Variants in ZNF804A observed in about 807,000 individuals in gnomAD.
ZNF804A encodes the protein zinc finger protein 804A.
A neutral mutation model predicts 16.5 loss-of-function variants in ZNF804A; 2 were observed. The observed-to-expected ratio is 0.12, with a 90% CI of 0.05 to 0.38. The LOEUF (loss-of-function observed/expected upper bound fraction) is 0.38. Ranked by LOEUF, ZNF804A falls within the 10% of genes least tolerant of loss-of-function variation. The pLI is 0.99. For synonymous variants in ZNF804A, 534 were observed against 489.6 expected, an observed-to-expected ratio of 1.09 and a Z score of -1.20; for missense variants, 1,473 against 1,390.7, an observed-to-expected ratio of 1.06 and a Z score of -0.94.
intron 1 of ZNF804A, among the ~76,000 whole-genome samples, chr2:184,848,393 A>G (rs1464004615): frequency 6.6e-6 from 1 of 152,022 alleles, no homozygotes; most frequent in Non-Finnish European, 1.5e-5. Flanking sequence ...TGAGACTCCA[A>G]TGCCCAAAGG....
At chr2:184,607,347 A>G (rs1691165834) in intron 1 of ZNF804A, among the ~76,000 whole-genome samples, 1 of 152,212 alleles carries the variant, frequency 6.6e-6, no homozygotes, top group Non-Finnish European at 1.5e-5. Flanking sequence ...TAATTGACTC[A>G]CAGTTCTGCA....
At chr2:184,912,839 T>A (rs1685384475) in intron 2 of ZNF804A, among the ~76,000 whole-genome samples, 1 of 152,140 alleles carries the variant, frequency 6.6e-6, no homozygotes, top group South Asian at 2.1e-4. Context: ...TTGGCCTTTA[T>A]AAGATACATT....
chr2:184,717,313 T>C (rs1174147229), intron 1 of ZNF804A, among the ~76,000 whole-genome samples: 2 of 152,204 alleles, frequency 1.3e-5, no homozygotes, highest in Admixed American at 1.3e-4. Context: ...AATTATGTAC[T>C]CTTACCTTTC....
chr2:184,870,083 A>G (rs567231085), intron 2 of ZNF804A, among the ~76,000 whole-genome samples: 55 of 152,136 alleles, frequency 3.6e-4, no homozygotes, highest in African/African-American at 1.3e-3. Flanking sequence ...ACATGCCCTT[A>G]TCTTCCCGGT....
intron 1 of ZNF804A, among the ~76,000 whole-genome samples, chr2:184,673,950 A>G (rs1692379142): frequency 2.0e-5 from 3 of 152,168 alleles, no homozygotes; most frequent in Admixed American, 6.5e-5. Context: ...TTGACATTTT[A>G]TGTTACTCAC....
chr2:184,628,086 G>A (rs1444445747), intron 1 of ZNF804A, among the ~76,000 whole-genome samples: 1 of 152,236 alleles, frequency 6.6e-6, no homozygotes, highest in East Asian at 1.9e-4. Context: ...AGGCCGAGGC[G>A]GGCGGATCAC....
At chr2:184,793,658 G>C (rs879692348) in intron 1 of ZNF804A, among the ~76,000 whole-genome samples, 6 of 151,926 alleles carry the variant, frequency 3.9e-5, no homozygotes, top group Non-Finnish European at 8.8e-5. Flanking sequence ...TAAGATTTTG[G>C]TGCACTCATA....
intron 2 of ZNF804A, among the ~76,000 whole-genome samples, chr2:184,869,601 C>T (rs555101813): frequency 5.3e-5 from 8 of 151,910 alleles, no homozygotes; most frequent in South Asian, 2.1e-4. Context: ...ATATTTAATA[C>T]GTTCTTATTA....
intron 1 of ZNF804A, among the ~76,000 whole-genome samples, chr2:184,838,471 T>C (rs1299418369): frequency 2.0e-5 from 3 of 152,112 alleles, no homozygotes; most frequent in Non-Finnish European, 4.4e-5. Flanking sequence ...AAATATTCAA[T>C]ATTATTAATA....
intron 1 of ZNF804A, among the ~76,000 whole-genome samples, chr2:184,795,443 C>T (rs1452208250): frequency 6.6e-6 from 1 of 151,898 alleles, no homozygotes; most frequent in Admixed American, 6.6e-5. Context: ...AAAGTTGATA[C>T]ACCTAAATGC....
At chr2:184,898,622 T>C (rs966569193) in intron 2 of ZNF804A, among the ~76,000 whole-genome samples, 1 of 152,066 alleles carries the variant, frequency 6.6e-6, no homozygotes, top group Non-Finnish European at 1.5e-5. Context: ...ACTCACTTTG[T>C]TTATATTTTA....
intron 1 of ZNF804A, among the ~76,000 whole-genome samples, chr2:184,837,288 AAAG>A (rs1158519443): frequency 1.3e-5 from 2 of 152,126 alleles, no homozygotes; most frequent in African/African-American, 4.8e-5. Flanking sequence ...TAGGTTAGAC[AAAG>A]AAGAGAGTGG....
At chr2:184,683,507 T>C (rs1000593996) in intron 1 of ZNF804A, among the ~76,000 whole-genome samples, 6 of 152,194 alleles carry the variant, frequency 3.9e-5, no homozygotes, top group African/African-American at 1.4e-4. Flanking sequence ...CACCATTTAT[T>C]GTTCTTATTT....
chr2:184,856,699 CTT>C (rs1375542893), intron 1 of ZNF804A, among the ~76,000 whole-genome samples: 1 of 152,038 alleles, frequency 6.6e-6, no homozygotes, highest in African/African-American at 2.4e-5. Flanking sequence ...TATATTCAAA[CTT>C]TGTTGCATGC....
At chr2:184,671,626 G>A (rs1489656921) in intron 1 of ZNF804A, among the ~76,000 whole-genome samples, 2 of 152,120 alleles carry the variant, frequency 1.3e-5, no homozygotes, top group African/African-American at 4.8e-5. Context: ...GGAACACTTT[G>A]GTAATTAGTC....
chr2:184,679,809 A>ACC (rs1440254723), intron 1 of ZNF804A, among the ~76,000 whole-genome samples: 2 of 152,152 alleles, frequency 1.3e-5, no homozygotes, highest in East Asian at 3.9e-4. Flanking sequence ...CCCCTTGGCA[A>ACC]GAACAGTCTG....
chr2:184,622,944 T>A (rs1276265556), intron 1 of ZNF804A, among the ~76,000 whole-genome samples: 2 of 151,946 alleles, frequency 1.3e-5, no homozygotes, highest in Admixed American at 1.3e-4. Context: ...CTTAGAACAA[T>A]CTATCCCTTG....
intron 2 of ZNF804A, among the ~76,000 whole-genome samples, chr2:184,878,097 T>C (rs1459196584): frequency 6.6e-6 from 1 of 152,136 alleles, no homozygotes; most frequent in Admixed American, 6.6e-5. Flanking sequence ...CAGAATGTGT[T>C]ATGCAACAAG....
At chr2:184,711,445 A>G (rs1161840669) in intron 1 of ZNF804A, among the ~76,000 whole-genome samples, 1 of 151,760 alleles carries the variant, frequency 6.6e-6, no homozygotes, top group Non-Finnish European at 1.5e-5. Flanking sequence ...ATTTTCTCCC[A>G]TACTGTATGT....
Sources: gnomAD v4.1 joint callset for allele counts (sites outside exome capture counted in the v4.1 genomes callset) on GRCh38, gnomAD v4.1.1 for gene constraint, MANE v1.5 for transcripts, NCBI Gene and HGNC (gene_info 2026-07-23, HGNC 2026-07-21) for gene names.